Variants in ADAMTSL1 observed in about 807,000 individuals in gnomAD.
The protein encoded by ADAMTSL1 is ADAMTS-like protein 1.
ADAMTSL1 carries 126 observed loss-of-function variants against 201.8 expected under a neutral mutation model. That is an observed-to-expected ratio of 0.62 (90% CI 0.54 to 0.72). The LOEUF (loss-of-function observed/expected upper bound fraction) is 0.72. Ranked by LOEUF, ADAMTSL1 falls within the 30% of genes least tolerant of loss-of-function variation. ADAMTSL1 has a pLI of 0.00. For missense variants in ADAMTSL1, 2,679 were observed against 2,277.8 expected (o/e 1.18, Z -3.59); for synonymous variants, 1,121 against 903.4 (o/e 1.24, Z -4.32).
chr9:18,762,974 G>A (rs1820159636), intron 16 of ADAMTSL1, among the ~76,000 whole-genome samples: 1 of 152,186 alleles, frequency 6.6e-6, no homozygotes, highest in African/African-American at 2.4e-5. Flanking sequence ...ACACAGTAGA[G>A]CAGATATCTC....
intron 2 of ADAMTSL1, among the ~76,000 whole-genome samples, chr9:18,358,997 A>G (rs1052807388): frequency 6.6e-6 from 1 of 152,176 alleles, no homozygotes; most frequent in African/African-American, 2.4e-5. Flanking sequence ...CTTAAATTTC[A>G]GTGACTTCAA....
intron 23 of ADAMTSL1, among the ~76,000 whole-genome samples, chr9:18,853,551 G>A (rs1231076704): frequency 6.6e-6 from 1 of 152,140 alleles, no homozygotes; most frequent in African/African-American, 2.4e-5. Flanking sequence ...TTCACCTTAG[G>A]AGAATTCAGG....
intron 1 of ADAMTSL1, among the ~76,000 whole-genome samples, chr9:18,028,285 G>T (rs912225247): frequency 2.6e-5 from 4 of 152,100 alleles, no homozygotes; most frequent in Admixed American, 6.6e-5. Flanking sequence ...GAAGTAGCAG[G>T]TATTGTTCCT....
At chr9:18,086,919 T>C (rs189432461) in intron 1 of ADAMTSL1, among the ~76,000 whole-genome samples, 1 of 152,298 alleles carries the variant, frequency 6.6e-6, no homozygotes, top group Non-Finnish European at 1.5e-5. Context: ...CAGAACAAGA[T>C]TTTGATGACT....
intron 13 of ADAMTSL1, among the ~76,000 whole-genome samples, chr9:18,696,595 C>T (rs1831563377): frequency 1.3e-5 from 2 of 151,990 alleles, no homozygotes; most frequent in Non-Finnish European, 2.9e-5. Context: ...TGTGGTAGTC[C>T]AGCAGAAAGA....
intron 1 of ADAMTSL1, among the ~76,000 whole-genome samples, chr9:18,479,879 A>G (rs945945896): frequency 3.9e-5 from 6 of 152,248 alleles, no homozygotes; most frequent in African/African-American, 7.2e-5. Flanking sequence ...GAAGCGTTTC[A>G]CTATTTCTGG....
chr9:18,095,505 C>A (rs1187931586), intron 1 of ADAMTSL1, among the ~76,000 whole-genome samples: 1 of 148,752 alleles, frequency 6.7e-6, no homozygotes, highest in African/African-American at 2.5e-5. Context: ...TTACTGCAAC[C>A]TCCCCCTTCT....
intron 1 of ADAMTSL1, among the ~76,000 whole-genome samples, chr9:18,157,228 T>G (rs559757037): frequency 9.9e-5 from 15 of 152,188 alleles, no homozygotes; most frequent in African/African-American, 3.6e-4. Context: ...CTTTTGCTAG[T>G]TTTTCTTTAT....
At chr9:18,813,914 T>C (rs572323043) in intron 20 of ADAMTSL1, among the ~76,000 whole-genome samples, 1 of 152,340 alleles carries the variant, frequency 6.6e-6, no homozygotes, top group East Asian at 1.9e-4. Flanking sequence ...AAAATTTCAG[T>C]TATTCCCCAT....
intron 15 of ADAMTSL1, among the ~76,000 whole-genome samples, chr9:18,727,990 G>C (rs917041765): frequency 6.6e-5 from 10 of 152,056 alleles, no homozygotes; most frequent in African/African-American, 2.4e-4. Flanking sequence ...TGAGGTAGGA[G>C]AGCCGCTTGA....
At chr9:18,427,142 C>A (rs1302439664) in intron 2 of ADAMTSL1, among the ~76,000 whole-genome samples, 1 of 152,140 alleles carries the variant, frequency 6.6e-6, no homozygotes, top group Non-Finnish European at 1.5e-5. Context: ...AATCTTGTAG[C>A]AAATTGAAAA....
At chr9:18,089,990 A>G (rs1823937796) in intron 1 of ADAMTSL1, among the ~76,000 whole-genome samples, 1 of 152,216 alleles carries the variant, frequency 6.6e-6, no homozygotes, top group South Asian at 2.1e-4. Context: ...GGTAAAATAC[A>G]GTTCAGAAGT....
rs571561595 is a variant in ADAMTSL1, at chr9:18,092,533, G to A, written c.88-71329G>A. On this transcript the variant is annotated intron_variant, in intron 1 of 29. Transcript: ENST00000680146. ...CCACTATTTCTTTTTTTCTTGATGTGGATAATTGAGAAATGACTCCAGTGA... is the reference window on the plus strand; with the variant it reads ...CCACTATTTCTTTTTTTCTTGATGTAGATAATTGAGAAATGACTCCAGTGA... Among the ~76,000 whole-genome samples, 174 of 152,152 alleles carry A rather than the reference G, an allele frequency of 1.1e-3. 1 individual carries two copies. Among genetic ancestry groups the A allele is most frequent in the African/African-American group, 4.1e-3 (170 of 41,504 alleles).
intron 3 of ADAMTSL1, among the ~76,000 whole-genome samples, chr9:18,559,523 G>C (rs1198188221): frequency 1.3e-5 from 2 of 152,038 alleles, no homozygotes; most frequent in African/African-American, 4.8e-5. Flanking sequence ...ATTTGAAGTA[G>C]TTTTTTTCTA....
intron 1 of ADAMTSL1, among the ~76,000 whole-genome samples, chr9:17,981,718 A>G (rs1478837773): frequency 2.0e-5 from 3 of 152,172 alleles, no homozygotes; most frequent in Admixed American, 2.0e-4. Flanking sequence ...AAATCTATTC[A>G]AGGTTCACTG....
At chr9:17,941,918 G>A (rs535702868) in intron 1 of ADAMTSL1, among the ~76,000 whole-genome samples, 1 of 152,188 alleles carries the variant, frequency 6.6e-6, no homozygotes, top group Admixed American at 6.5e-5. Context: ...ATGGGTGAGG[G>A]AACTCCTTGG....
intron 19 of ADAMTSL1, among the ~76,000 whole-genome samples, chr9:18,788,403 G>T (rs1336581621): frequency 2.6e-5 from 2 of 78,028 alleles, no homozygotes; most frequent in African/African-American, 5.2e-5. Flanking sequence ...CGCAACCACC[G>T]AAAATGAGGC....
intron 1 of ADAMTSL1, among the ~76,000 whole-genome samples, chr9:18,123,107 A>T (rs1490639206): frequency 6.6e-6 from 1 of 152,178 alleles, no homozygotes; most frequent in East Asian, 1.9e-4. Flanking sequence ...AGAAAATTGA[A>T]TTTCTTAATC....
At chr9:18,039,955 T>C (rs1275245110) in intron 1 of ADAMTSL1, among the ~76,000 whole-genome samples, 1 of 152,204 alleles carries the variant, frequency 6.6e-6, no homozygotes, top group Non-Finnish European at 1.5e-5. Context: ...TATGCTACTA[T>C]ATATTGCTAT....
Sources: allele counts gnomAD v4.1 joint callset (sites outside exome capture counted in the v4.1 genomes callset), GRCh38; gene constraint gnomAD v4.1.1; transcripts MANE v1.5; gene names NCBI Gene and HGNC (gene_info 2026-07-23, HGNC 2026-07-21).